The following TTN variants were observed in gnomAD, a reference collection of about 807,000 sequenced individuals.
TTN encodes connectin.
In TTN, 1,525 loss-of-function variants were observed where a neutral mutation model predicts 3,223.0. The observed-to-expected ratio is 0.47, with a 90% confidence interval of 0.45 to 0.49. The LOEUF (loss-of-function observed/expected upper bound fraction) is 0.49, where lower values mean the gene tolerates loss of function less well. Among genes scored for constraint, TTN ranks in the 20% least tolerant of loss-of-function variants. The pLI is 0.00. For missense variants in TTN, 40,786 were observed against 43,424.0 expected, an observed-to-expected ratio of 0.94 and a Z score of 5.40; for synonymous variants, 14,094 against 15,161.0, an observed-to-expected ratio of 0.93 and a Z score of 5.17.
chr2:178,781,580 G>A (rs531588210), intron 20 of TTN, among the ~76,000 whole-genome samples: 12 of 151,162 alleles, frequency 7.9e-5, no homozygotes, highest in East Asian at 2.0e-4. Flanking sequence ...CTCTTTGTTC[G>A]TTATTTTTCT....
In TTN at chr2:178,715,493, C is replaced by A; in HGVS notation, c.25921G>T (p.Glu8641Ter). 1.2e-6 allele frequency: 2 copies of A among 1,609,322 alleles called. No individual in the cohort carries two copies. Among genetic ancestry groups the A allele is most frequent in the Non-Finnish European group, 8.5e-7 (1 of 1,176,488 alleles). ...ACACACAGGTGGGGAGAGCGCTGAC[C>A]TTTAACTTTTAAGGATGTGCTGCTG... Reference protein sequence around the residue: ...ASSSTSLKVKEPPIFRKKPHP... With the variant: ...ASSSTSLKVK Residue 8641 changes from glutamate to a stop codon, truncating the protein, a stop_gained and splice_region_variant, in exon 89 of 363, where the codon GAA becomes TAA. Coordinates refer to ENST00000589042, the MANE Select transcript of TTN (RefSeq NM_001267550.2). LOFTEE classifies it high-confidence loss of function.
chr2:178,535,438 A>G lies in TTN; in HGVS notation c.101177T>C (p.Val33726Ala). ...TTCTGCAGTAGTTGCACATTTTTCA[A>G]CAATGTAGTTGGTGATTTTGCTGCC... ...DGGSKITNYI[V>A]EKCATTAERW... The change falls in exon 358 of 363, where the codon GTT becomes GCT. Residue 33726 changes from valine to alanine, a missense_variant. Transcript: ENST00000589042. 2 of 1,613,878 alleles carry G rather than the reference A, an allele frequency of 1.2e-6. No individual in the cohort carries two copies. The highest frequency in any genetic ancestry group is 1.7e-6 in the Non-Finnish European group (2 of 1,179,816).
At chr2:178,764,110 A>T (rs1273861578) in intron 43 of TTN, 67 bp downstream of exon 43, 1 of 1,609,682 alleles carries the variant, frequency 6.2e-7, no homozygotes, top group African/African-American at 1.3e-5. Context: ...GGAGAAGCTG[A>T]CAGAATGTTT....
rs778837156 is a variant in TTN at position 178,544,497 on chromosome 2, C to T, written c.95732G>A (p.Gly31911Glu). ...ISCREPSYTP[G>E]PPSAPRVVDT... is the part of the protein sequence containing the mutation. ...CACAACTCTTGGAGCAGAAGGTGGT[C>T]CAGGGGTATCTGTGGAATTTAAAAA... Residue 31911 changes from glycine to glutamate, a missense_variant, in exon 345 of 363, where the codon GGA (glycine) becomes GAA (glutamate). Physicochemically the swap from Gly to Glu is moderately conservative, Grantham distance 98. Coordinates refer to ENST00000589042, the MANE Select transcript of TTN (RefSeq NM_001267550.2). The T allele has an allele frequency of 6.3e-7, 1 of 1,592,538 alleles. No homozygotes were observed. The highest frequency in any genetic ancestry group is 8.6e-7 in the Non-Finnish European group (1 of 1,164,578).
rs1176237870 is a variant in TTN, at chr2:178,675,688, A to G, written c.34520T>C (p.Val11507Ala). 8 of 1,419,124 alleles carry G rather than the reference A, an allele frequency of 5.6e-6. No individual in the cohort carries two copies. The highest frequency in any genetic ancestry group is 2.6e-4 in the Middle Eastern group (1 of 3,876). The allele number at this position is 1,419,124 out of a possible 1,614,324, so 87.9% of individuals were successfully genotyped here. ...TGATGTACCTTTGGCAGGAGGGGCC[A>G]CTGCTTTCTTAAGACCAGGAGGAGG... The part of the protein sequence containing the change: ...KVPPPGLKKA[V>A]APPAKVPEVP... Residue 11507 changes from valine to alanine, a missense_variant, in exon 149 of 363, where the codon GTG becomes GCG. Physicochemically the swap from Val to Ala is moderately conservative, Grantham distance 64. Transcript: ENST00000589042.
In TTN at chr2:178,733,500, C is replaced by T. The variant is rs1370636944; in HGVS notation, c.15793G>A (p.Glu5265Lys). ...LIVKEPAKII[E>K]RAELIQVTAG... ...GTCACCTGGATCAGTTCTGCTCGCT[C>T]AATGATTTTGGCAGGTTCTACAATG... Residue 5265 changes from glutamate to lysine, a missense_variant, in exon 54 of 363, where the codon GAG (glutamate) becomes AAG (lysine). Glu to Lys is a moderately conservative substitution (Grantham distance 56). Transcript: ENST00000589042. 4.3e-6 allele frequency: 7 copies of T among 1,610,706 alleles called. No individual in the cohort carries two copies. Among genetic ancestry groups the T allele is most frequent in the Non-Finnish European group, 5.9e-6 (7 of 1,177,786 alleles).
chr2:178,710,613 C>A (rs556242466), intron 98 of TTN, 22 bp downstream of exon 98: 1 of 1,586,758 alleles, frequency 6.3e-7, no homozygotes, highest in African/African-American at 1.3e-5. Context: ...TTTTGTTGGA[C>A]CACTTGCAAA....
chr2:178,611,729 A>G (rs1171918251), intron 268 of TTN, 29 bp downstream of exon 268: 5 of 1,611,554 alleles, frequency 3.1e-6, no homozygotes, highest in Non-Finnish European at 4.2e-6. Context: ...GTTCTAGACA[A>G]TATCTTGTGT....
At position 178,539,624 on chromosome 2, in the gene TTN, C is replaced by G. The variant is rs1487649539; in HGVS notation, c.98441G>C (p.Arg32814Thr). ...ATCAGCAGGAGGTCTCCAGCTGACC[C>G]TCACAGAGCGGACTTGGATGTCATC... Reference protein sequence around the residue: ...EYDDIQVRSVRVSWRPPADDG... With the variant: ...EYDDIQVRSVTVSWRPPADDG... The change falls in exon 352 of 363, where the codon AGG (arginine) becomes ACG (threonine). Residue 32814 changes from arginine (R) to threonine (T), a missense_variant. By Grantham distance (71) the Arg-to-Thr change is moderately conservative. Coordinates refer to ENST00000589042, the MANE Select transcript of TTN (RefSeq NM_001267550.2). 1.9e-6 allele frequency: 3 copies of G among 1,613,668 alleles called. No individual in the cohort carries two copies. Among genetic ancestry groups the G allele is most frequent in the East Asian group, 4.5e-5 (2 of 44,874 alleles).
intron 336 of TTN, chr2:178,550,576 G>T: frequency 2.4e-6 from 1 of 412,922 alleles, no homozygotes; most frequent in Non-Finnish European, 4.3e-6. Flanking sequence ...AGTCACACAA[G>T]TTCTTTTAAG....
chr2:178,650,185 G>A lies in TTN; in HGVS notation c.39796C>T (p.Pro13266Ser). Residue 13266 changes from proline to serine, a missense_variant, in exon 210 of 363, where the codon CCA (proline) becomes TCA (serine). Coordinates refer to ENST00000589042, the MANE Select transcript of TTN (RefSeq NM_001267550.2). ...KPVPVAEEEEPEVPPPAVPEE... is the reference protein window; with the variant it reads ...KPVPVAEEEESEVPPPAVPEE... ...GTACCTGCTGGAGGTGGAACCTCTG[G>A]TTCCTCCTCTTCTGCAACAGGAACT... 1 of 1,588,526 alleles carries A rather than the reference G, an allele frequency of 6.3e-7. No individual in the cohort carries two copies. The highest frequency in any genetic ancestry group is 1.1e-5 in the South Asian group (1 of 87,150).
At chr2:178,587,867 T>C in intron 305 of TTN, 32 bp downstream of exon 305, 1 of 1,568,934 alleles carries the variant, frequency 6.4e-7, no homozygotes, top group South Asian at 1.2e-5. Context: ...AAATTAAGTG[T>C]GAATGAATCA....
At chr2:178,689,196 A>C in intron 124 of TTN, 60 bp from the exon 125 acceptor site, 1 of 1,588,348 alleles carries the variant, frequency 6.3e-7, no homozygotes, top group Non-Finnish European at 8.6e-7. Context: ...CCCAGTGCAA[A>C]ACAAAGAAAT....
rs749037557 is a variant in TTN at position 178,653,332 on chromosome 2, A to G, written c.38708-11T>C. ...TGGGAGCCTCTGGCACTTAAAAGATATTAGTAAAGTTACATGTAGAGCTAT... is the reference window on the plus strand; with the variant it reads ...TGGGAGCCTCTGGCACTTAAAAGATGTTAGTAAAGTTACATGTAGAGCTAT... On this transcript the variant is annotated splice_polypyrimidine_tract_variant and intron_variant, in intron 197 of 362. Coordinates refer to ENST00000589042, the MANE Select transcript of TTN (RefSeq NM_001267550.2). 4.3e-6 allele frequency: 7 copies of G among 1,611,728 alleles called. No individual in the cohort carries two copies. The highest frequency in any genetic ancestry group is 5.9e-6 in the Non-Finnish European group (7 of 1,179,520).
chr2:178,633,175 A>G lies in TTN; in HGVS notation c.43086+12T>C. ...AACCCCTCTCCTATATAATTAGCTA[A>G]TCTTGACTTACAGGGGAAGCTGTCA... On this transcript the variant is annotated intron_variant, in intron 233 of 362. Coordinates refer to ENST00000589042, the MANE Select transcript of TTN (RefSeq NM_001267550.2). The G allele has an allele frequency of 2.5e-6, 4 of 1,609,456 alleles. No homozygotes were observed. Among genetic ancestry groups the G allele is most frequent in the Non-Finnish European group, 3.4e-6 (4 of 1,177,186 alleles).
rs763437247 is a variant in TTN at position 178,531,529 on chromosome 2, A to C, written c.105086T>G (p.Leu35029Trp). Residue 35029 changes from leucine to tryptophan, a missense_variant, in exon 358 of 363, where the codon TTG (leucine) becomes TGG (tryptophan). By Grantham distance (61) the Leu-to-Trp change is moderately conservative (BLOSUM62 -2). Transcript: ENST00000589042. The part of the protein sequence containing the change: ...YKGEASDYAT[L>W]DVTGGDYTTY... ...GGTATAATCCCCTCCTGTCACGTCC[A>C]ACGTTGCATAGTCAGAAGCTTCGCC... The C allele has an allele frequency of 3.1e-6, 5 of 1,613,802 alleles. No individual in the cohort carries two copies. Among genetic ancestry groups the C allele is most frequent in the Non-Finnish European group, 4.2e-6 (5 of 1,179,890 alleles).
chr2:178,587,143 T>G lies in TTN; in HGVS notation c.64068A>C (p.Lys21356Asn). 5 of 1,613,114 alleles carry G rather than the reference T, an allele frequency of 3.1e-6. No homozygotes were observed. Among genetic ancestry groups the G allele is most frequent in the Non-Finnish European group, 2.5e-6 (3 of 1,179,346 alleles). ...TTAGAGGATCTGATGCAAGCACTGGTTTTGGGACATCTGTTGGGACGCCAG... is the reference window on the plus strand; with the variant it reads ...TTAGAGGATCTGATGCAAGCACTGGGTTTGGGACATCTGTTGGGACGCCAG... ...YGPGVPTDVP[K>N]PVLASDPLSE... Residue 21356 changes from lysine to asparagine, a missense_variant, in exon 307 of 363, where the codon AAA becomes AAC. By Grantham distance (94) the Lys-to-Asn change is moderately conservative. Coordinates refer to ENST00000589042, the MANE Select transcript of TTN (RefSeq NM_001267550.2).
At position 178,721,838 on chromosome 2, in the gene TTN, G is replaced by T. The variant is rs1380502960; in HGVS notation, c.22816+9C>A. ...GGAACAAATATTGTCAAAAGTCATG[G>T]AATGATACCTTTTACACTGAGCTGA... On this transcript the variant is annotated intron_variant, in intron 78 of 362. Transcript: ENST00000589042. 1 of 1,540,380 alleles carries T rather than the reference G, an allele frequency of 6.5e-7. No homozygotes were observed.
At chr2:178,529,308 A>C (rs939000292) in intron 359 of TTN, 89 bp from the exon 360 acceptor site, 17 of 1,056,820 alleles carry the variant, frequency 1.6e-5, no homozygotes, top group Non-Finnish European at 2.2e-5. Context: ...AAAACATAAA[A>C]AGAAAAAAAG....
Sources: gnomAD v4.1 joint callset for allele counts (sites outside exome capture counted in the v4.1 genomes callset) on GRCh38, gnomAD v4.1.1 for gene constraint, MANE v1.5 for transcripts, NCBI Gene and HGNC (gene_info 2026-07-23, HGNC 2026-07-21) for gene names.